The following SLIT3 variants were observed in gnomAD, a reference collection of about 807,000 sequenced individuals.
SLIT3 encodes slit homolog 3 protein.
A neutral mutation model predicts 184.0 loss-of-function variants in SLIT3; 68 were observed. The observed-to-expected ratio is 0.37, with a 90% CI of 0.30 to 0.45. SLIT3 has a LOEUF of 0.45. Among genes scored for constraint, SLIT3 ranks in the 20% least tolerant of loss-of-function variants. SLIT3 has a pLI of 1.00. For synonymous variants in SLIT3, 831 were observed against 828.6 expected (o/e 1.00, Z -0.05); for missense variants, 1,707 against 2,026.0 (o/e 0.84, Z 3.02).
intron 3 of SLIT3, among the ~76,000 whole-genome samples, chr5:169,193,777 C>T (rs963861737): frequency 3.3e-5 from 5 of 152,200 alleles, no homozygotes; most frequent in Admixed American, 3.3e-4. Context: ...AAATACAGCA[C>T]ATGCGCTGTG....
chr5:168,818,992 A>G (rs1294734794), intron 7 of SLIT3, among the ~76,000 whole-genome samples: 1 of 152,276 alleles, frequency 6.6e-6, no homozygotes, highest in African/African-American at 2.4e-5. Context: ...TGTTTCAAAA[A>G]TAATTAATCT....
chr5:168,951,867 A>G (rs1762660417), intron 4 of SLIT3, among the ~76,000 whole-genome samples: 1 of 152,120 alleles, frequency 6.6e-6, no homozygotes, highest in African/African-American at 2.4e-5. Flanking sequence ...AAAGACACCC[A>G]TGATTTAAGG....
intron 1 of SLIT3, among the ~76,000 whole-genome samples, chr5:169,268,754 A>G (rs894876485): frequency 6.6e-6 from 1 of 152,230 alleles, no homozygotes; most frequent in East Asian, 1.9e-4. Context: ...GAGATGCTCA[A>G]GTGAGCCAAT....
chr5:168,718,735 C>CAT (rs1561891900), intron 23 of SLIT3, among the ~76,000 whole-genome samples: 54 of 150,358 alleles, frequency 3.6e-4, no homozygotes, highest in East Asian at 1.4e-3. Context: ...CACACATTCT[C>CAT]TCTCTCTCTC....
chr5:168,782,788 G>A (rs1238432464), intron 12 of SLIT3, among the ~76,000 whole-genome samples: 2 of 152,138 alleles, frequency 1.3e-5, no homozygotes, highest in African/African-American at 4.8e-5. Flanking sequence ...GTTTTAAGGA[G>A]GGAAGCTGAC....
At chr5:169,121,937 A>G (rs1760890412) in intron 4 of SLIT3, among the ~76,000 whole-genome samples, 1 of 152,174 alleles carries the variant, frequency 6.6e-6, no homozygotes, top group South Asian at 2.1e-4. Context: ...AATTTGACTG[A>G]TTTCTCAGAG....
intron 18 of SLIT3, 36 bp from the exon 19 acceptor site, chr5:168,749,671 C>G: frequency 3.7e-6 from 6 of 1,612,170 alleles, no homozygotes; most frequent in Non-Finnish European, 5.1e-6. Context: ...CTCCATCCTT[C>G]TACTGTGGGA....
chr5:169,049,866 G>T (rs1461841994), intron 4 of SLIT3, among the ~76,000 whole-genome samples: 1 of 152,160 alleles, frequency 6.6e-6, no homozygotes, highest in African/African-American at 2.4e-5. Context: ...GTTTTTATTT[G>T]CTGTTGTTGG....
chr5:169,035,638 C>A (rs1757213524), intron 4 of SLIT3, among the ~76,000 whole-genome samples: 1 of 133,150 alleles, frequency 7.5e-6, no homozygotes, highest in African/African-American at 3.0e-5. Flanking sequence ...GACAGTGAGA[C>A]TGCATCTGGA....
chr5:168,698,564 C>T (rs372568106), intron 27 of SLIT3, among the ~76,000 whole-genome samples: 1 of 152,174 alleles, frequency 6.6e-6, no homozygotes, highest in Admixed American at 6.5e-5. Flanking sequence ...TGATTTGGAA[C>T]TTCTATCCTT....
chr5:168,754,891 C>G (rs1047096655), intron 16 of SLIT3, among the ~76,000 whole-genome samples: 1 of 152,172 alleles, frequency 6.6e-6, no homozygotes, highest in African/African-American at 2.4e-5. Context: ...TAGAGATTCT[C>G]ACTAAGCACT....
chr5:169,251,282 C>A (rs1381010670), intron 2 of SLIT3, 106 bp downstream of exon 2: 5 of 784,362 alleles, frequency 6.4e-6, no homozygotes, highest in Non-Finnish European at 1.1e-5. Context: ...TGGTGAATTC[C>A]TGTTGTCCAG....
intron 4 of SLIT3, among the ~76,000 whole-genome samples, chr5:168,901,945 A>G (rs1291636333): frequency 2.6e-5 from 4 of 152,196 alleles, no homozygotes; most frequent in African/African-American, 9.6e-5. Flanking sequence ...TCTGTCACCC[A>G]GGTTGGAGTG....
chr5:168,755,823 G>A (rs17553357), intron 16 of SLIT3, among the ~76,000 whole-genome samples: 22,705 of 152,124 alleles, frequency 0.15, 1,936 homozygotes, highest in South Asian at 0.23. Context: ...CAGACCTCAA[G>A]AGAGATCAGA....
At chr5:169,229,684 C>A (rs1265542016) in intron 3 of SLIT3, among the ~76,000 whole-genome samples, 1 of 139,198 alleles carries the variant, frequency 7.2e-6, no homozygotes, top group Non-Finnish European at 1.7e-5. Flanking sequence ...ATTCATCACT[C>A]TTGGGCCGTG....
intron 4 of SLIT3, among the ~76,000 whole-genome samples, chr5:168,907,979 T>TATATAGAGAGAGAGAGAGAGAGAG (rs376418381): frequency 8.0e-5 from 4 of 50,086 alleles, no homozygotes; most frequent in African/African-American, 5.0e-4. Context: ...TATATATATA[T>TATATAGAGAGAGAGAGAGAGAGAG]AGAGAGAGAG....
intron 12 of SLIT3, 89 bp from the exon 13 acceptor site, chr5:168,774,467 G>T: frequency 7.5e-7 from 1 of 1,337,982 alleles, no homozygotes; most frequent in East Asian, 2.3e-5. Context: ...GGGCTGCAAA[G>T]CTCCCATCAC....
chr5:168,864,012 A>G (rs928638784), intron 5 of SLIT3, among the ~76,000 whole-genome samples: 1 of 150,886 alleles, frequency 6.6e-6, no homozygotes, highest in Non-Finnish European at 1.5e-5. Flanking sequence ...CCTAGGCAAC[A>G]TGGTGAAACC....
intron 4 of SLIT3, among the ~76,000 whole-genome samples, chr5:169,056,118 C>T (rs950466699): frequency 6.6e-6 from 1 of 151,988 alleles, no homozygotes; most frequent in African/African-American, 2.4e-5. Context: ...TGAAGGGGCT[C>T]GGAGGAGGCA....
Sources: allele counts gnomAD v4.1 joint callset (sites outside exome capture counted in the v4.1 genomes callset), GRCh38; gene constraint gnomAD v4.1.1; transcripts MANE v1.5; gene names NCBI Gene and HGNC (gene_info 2026-07-23, HGNC 2026-07-21).